Variants in LYPLAL1 observed in about 807,000 individuals in gnomAD.
LYPLAL1 encodes lysophospholipase-like protein 1.
A neutral mutation model predicts 19.7 loss-of-function variants in LYPLAL1; 23 were observed. The ratio of observed to expected loss-of-function variants is 1.17; its 90% confidence interval spans 0.84 to 1.65. The LOEUF (loss-of-function observed/expected upper bound fraction) is 1.65, where lower values mean the gene tolerates loss of function less well. Among genes scored for constraint, LYPLAL1 ranks in the 40% most tolerant of loss-of-function variants. The pLI, the probability that LYPLAL1 is intolerant of heterozygous loss-of-function variation, is 0.00. For synonymous variants in LYPLAL1, 119 were observed against 96.3 expected, an observed-to-expected ratio of 1.24 and a Z score of -1.38; for missense variants, 355 against 279.4, an observed-to-expected ratio of 1.27 and a Z score of -1.93.
chr1:219,201,470 C>T (rs1361029104), intron 3 of LYPLAL1, among the ~76,000 whole-genome samples: 1 of 151,736 alleles, frequency 6.6e-6, no homozygotes, highest in Non-Finnish European at 1.5e-5. Context: ...GTTATATGGT[C>T]AGTATTTTGT....
At chr1:219,313,612 A>G in the LYPLAL1 span, among the ~76,000 whole-genome samples, 4 of 151,822 alleles carry the variant, frequency 2.6e-5, no homozygotes, top group African/African-American at 4.8e-5. Flanking sequence ...GCTCACTGCA[A>G]CCTCCACATA....
chr1:219,236,910 C>T, the LYPLAL1 span, among the ~76,000 whole-genome samples: 2 of 152,266 alleles, frequency 1.3e-5, no homozygotes, highest in African/African-American at 4.8e-5. Flanking sequence ...CTCCCTCCCC[C>T]ACACCCCTTG....
chr1:219,262,122 T>C, the LYPLAL1 span, among the ~76,000 whole-genome samples: 1 of 152,170 alleles, frequency 6.6e-6, no homozygotes, highest in Admixed American at 6.5e-5. Flanking sequence ...TTCTTTCTTC[T>C]ACTTGTTCTA....
At chr1:219,209,120 G>A (rs1658798612) in intron 3 of LYPLAL1, among the ~76,000 whole-genome samples, 1 of 152,014 alleles carries the variant, frequency 6.6e-6, no homozygotes, top group Non-Finnish European at 1.5e-5. Context: ...AGTTATTGGG[G>A]GTATTTTGAA....
the LYPLAL1 span, among the ~76,000 whole-genome samples, chr1:219,417,579 T>A: frequency 1.3e-5 from 2 of 152,232 alleles, no homozygotes; most frequent in Non-Finnish European, 1.5e-5. Context: ...AAATAGTATA[T>A]ATTTTTTTCT....
downstream of LYPLAL1, among the ~76,000 whole-genome samples, chr1:219,216,481 A>G (rs1659294142): frequency 6.6e-6 from 1 of 152,110 alleles, no homozygotes; most frequent in Non-Finnish European, 1.5e-5. Flanking sequence ...GTTCAGGACT[A>G]ATGTTGCCAC....
At chr1:219,352,610 G>A in the LYPLAL1 span, among the ~76,000 whole-genome samples, 70 of 152,232 alleles carry the variant, frequency 4.6e-4, no homozygotes, top group African/African-American at 1.4e-3. Context: ...TATAGTAGGC[G>A]TTCAGTAAAG....
chr1:219,380,016 GTGGA>G, the LYPLAL1 span, among the ~76,000 whole-genome samples: 2 of 152,222 alleles, frequency 1.3e-5, no homozygotes, highest in African/African-American at 4.8e-5. Context: ...AAGGGTATAT[GTGGA>G]TGGACACCAC....
the LYPLAL1 span, among the ~76,000 whole-genome samples, chr1:219,288,835 A>G: frequency 4.4e-5 from 2 of 45,620 alleles, no homozygotes; most frequent in Admixed American, 3.4e-4. Context: ...CTTGTCTTAC[A>G]TGTTTTAAAA....
At chr1:219,316,012 A>T in the LYPLAL1 span, among the ~76,000 whole-genome samples, 1 of 152,324 alleles carries the variant, frequency 6.6e-6, no homozygotes, top group Admixed American at 6.5e-5. Context: ...ACATGTACGT[A>T]TAAGGACAAA....
intron 1 of LYPLAL1, among the ~76,000 whole-genome samples, chr1:219,175,234 G>C (rs1450101909): frequency 3.9e-5 from 6 of 152,114 alleles, no homozygotes; most frequent in Admixed American, 3.3e-4. Flanking sequence ...GGGCTTTGGT[G>C]GGGTAAGGTG....
the LYPLAL1 span, among the ~76,000 whole-genome samples, chr1:219,361,735 G>A: frequency 1.3e-5 from 2 of 152,236 alleles, no homozygotes; most frequent in East Asian, 3.9e-4. Context: ...CAGAAGAAAG[G>A]TGTTATTAAG....
chr1:219,259,412 T>TAC, the LYPLAL1 span, among the ~76,000 whole-genome samples: 1 of 72,072 alleles, frequency 1.4e-5, no homozygotes, highest in Non-Finnish European at 3.4e-5. Context: ...TATATACATA[T>TAC]ATATATATAT....
chr1:219,240,849 T>A, the LYPLAL1 span, among the ~76,000 whole-genome samples: 3 of 151,998 alleles, frequency 2.0e-5, no homozygotes, highest in South Asian at 4.2e-4. Flanking sequence ...TACATTGGAC[T>A]CTTTCCCAAT....
the LYPLAL1 span, among the ~76,000 whole-genome samples, chr1:219,298,369 A>G: frequency 6.6e-6 from 1 of 152,350 alleles, no homozygotes; most frequent in Non-Finnish European, 1.5e-5. Flanking sequence ...AGGCTTCTTC[A>G]TTAAGCATGG....
At chr1:219,400,424 A>G in the LYPLAL1 span, among the ~76,000 whole-genome samples, 1 of 152,156 alleles carries the variant, frequency 6.6e-6, no homozygotes, top group African/African-American at 2.4e-5. Context: ...GTAGCCTCCA[A>G]TGCCTGATTT....
the LYPLAL1 span, among the ~76,000 whole-genome samples, chr1:219,369,359 C>A: frequency 2.0e-5 from 3 of 152,264 alleles, no homozygotes. Flanking sequence ...GCAACCTCCA[C>A]CTCCCAGGTT....
At chr1:219,425,159 A>C in the LYPLAL1 span, among the ~76,000 whole-genome samples, 2 of 152,280 alleles carry the variant, frequency 1.3e-5, no homozygotes, top group Non-Finnish European at 2.9e-5. Context: ...CTGTGTTCAC[A>C]GGGTGCAAGG....
chr1:219,389,849 G>A, the LYPLAL1 span, among the ~76,000 whole-genome samples: 2 of 152,082 alleles, frequency 1.3e-5, no homozygotes, highest in East Asian at 3.9e-4. Context: ...GATGATAAAG[G>A]CAATATTTGC....
Sources: allele counts gnomAD v4.1 joint callset (sites outside exome capture counted in the v4.1 genomes callset), GRCh38; gene constraint gnomAD v4.1.1; transcripts MANE v1.5; gene names NCBI Gene and HGNC (gene_info 2026-07-23, HGNC 2026-07-21).